Variants in TTLL8 observed in about 807,000 individuals in gnomAD.
The protein encoded by TTLL8 is tubulin tyrosine ligase like 8.
Under a neutral mutation model 77.8 loss-of-function variants are expected in TTLL8, and 65 were observed. The ratio of observed to expected loss-of-function variants is 0.84; its 90% CI spans 0.68 to 1.03. The LOEUF (loss-of-function observed/expected upper bound fraction) is 1.03, where lower values mean the gene tolerates loss of function less well. Ranked by LOEUF, TTLL8 falls within the 50% of genes least tolerant of loss-of-function variation. The pLI is 0.00. For missense variants in TTLL8, 910 were observed against 1,004.5 expected, an observed-to-expected ratio of 0.91 and a Z score of 1.27; for synonymous variants, 402 against 422.8, an observed-to-expected ratio of 0.95 and a Z score of 0.60.
At chr22:50,028,674 A>ACCGTCCTGAAGACCCC in intron 12 of TTLL8, among the ~76,000 whole-genome samples, 1 of 58,286 alleles carries the variant, frequency 1.7e-5, no homozygotes, top group Admixed American at 2.1e-4. Context: ...AGACCCCCAC[A>ACCGTCCTGAAGACCCC]CACACTCGTA....
At position 50,034,586 on chromosome 22, in the gene TTLL8, G is replaced by T; in HGVS notation, c.922-124C>A. ...CCCACCAAGCAGGCGCTCGGCTCTA[G>T]GATGGTCTGGGGCTGGCCTGGCGGG... On this transcript the variant is annotated intron_variant, in intron 8 of 13. Transcript: ENST00000266182. The surrounding 1 kb of genome is among the most constrained non-coding windows in gnomAD (Gnocchi z 4.1). The T allele has an allele frequency of 9.4e-7, 1 of 1,062,896 alleles. No individual in the cohort carries two copies. The highest frequency in any genetic ancestry group is 5.9e-5 in the East Asian group (1 of 16,868). 65.8% of individuals were successfully genotyped at this position (1,062,896 alleles called of 1,614,324 possible).
At chr22:50,048,760 CT>C (rs1296858870) in intron 3 of TTLL8, among the ~76,000 whole-genome samples, 1 of 152,226 alleles carries the variant, frequency 6.6e-6, no homozygotes, top group African/African-American at 2.4e-5. Flanking sequence ...ATTTTAAGTA[CT>C]GCAAATGCCG....
intron 10 of TTLL8, 25 bp from the exon 12 acceptor site, chr22:50,032,134 G>GCT: frequency 4.5e-6 from 6 of 1,335,376 alleles, no homozygotes; most frequent in Non-Finnish European, 6.0e-6. Flanking sequence ...AGGGGCAGGT[G>GCT]CTCAGCCTCC....
In TTLL8 at chr22:50,049,447, C is replaced by A. The variant is rs573516551; in HGVS notation, c.191-125G>T. On this transcript the variant is annotated intron_variant, in intron 2 of 13. Coordinates refer to ENST00000266182, the Ensembl canonical transcript of TTLL8. ...TCCAGAAACCTGGCTCCAGATGGGG[C>A]CTTCCCCTGGTGGAGCAGGAGCCTC... 4.7e-6 allele frequency: 5 copies of A among 1,056,346 alleles called. No individual in the cohort carries two copies. The African/African-American group carries it at 6.5e-5, about 14-fold the overall frequency. The allele number at this position is 1,056,346 out of a possible 1,614,324, so 65.4% of individuals were successfully genotyped here.
intron 8 of TTLL8, among the ~76,000 whole-genome samples, chr22:50,036,495 T>C (rs572938270): frequency 1.7e-4 from 26 of 152,246 alleles, no homozygotes; most frequent in Non-Finnish European, 3.5e-4. Context: ...GGAGACCAGT[T>C]ACGGTGCTGA....
intron 12 of TTLL8, among the ~76,000 whole-genome samples, chr22:50,026,225 C>T (rs537164868): frequency 1.7e-4 from 26 of 152,166 alleles, no homozygotes; most frequent in African/African-American, 4.6e-4. Context: ...ACTGTACAGC[C>T]GCTGCACCTC....
chr22:50,030,893 G>T, exon 12 of TTLL8: 1 of 1,323,278 alleles, frequency 7.6e-7, no homozygotes, highest in Non-Finnish European at 9.9e-7. Context: ...CGCAGAGGTC[G>T]GACCCGCTGA....
At chr22:50,023,413 G>A (rs1287349149) in intron 12 of TTLL8, among the ~76,000 whole-genome samples, 9 of 152,200 alleles carry the variant, frequency 5.9e-5, no homozygotes, top group African/African-American at 1.2e-4. Flanking sequence ...GGCTGGGCAC[G>A]GTGGCTGACG....
At position 50,041,187 on chromosome 22, in the gene TTLL8, C is replaced by G. The variant is rs1256104770; in HGVS notation, c.921G>C (p.Gln307His). The G allele has an allele frequency of 4.5e-6, 2 of 442,668 alleles. No individual in the cohort carries two copies. The highest frequency in any genetic ancestry group is 8.9e-6 in the Non-Finnish European group (2 of 224,892). The allele number at this position is 442,668 out of a possible 1,614,324, so 27.4% of individuals were successfully genotyped here. ...CAGTGGAGAGACAGACAAACCCCACCTGCCTGTCTCGGGCTGTGGGGGGCT... is the reference window on the plus strand; with the variant it reads ...CAGTGGAGAGACAGACAAACCCCACGTGCCTGTCTCGGGCTGTGGGGGGCT... Residue 307 changes from glutamine (Q) to histidine (H), a missense_variant and splice_region_variant, in exon 8 of 14, where the codon CAG becomes CAC. Transcript: ENST00000266182. The surrounding 1 kb of genome is among the most constrained non-coding windows in gnomAD (Gnocchi z 4.3).
At chr22:50,054,182 G>A (rs1339634761) in intron 1 of TTLL8, among the ~76,000 whole-genome samples, 1 of 152,224 alleles carries the variant, frequency 6.6e-6, no homozygotes, top group East Asian at 1.9e-4. Flanking sequence ...GTTCCTCTGT[G>A]GTCAGGCCTT....
At position 50,034,245 on chromosome 22, in the gene TTLL8, C is replaced by T; in HGVS notation, c.1039+100G>A. The T allele has an allele frequency of 8.1e-7, 1 of 1,228,034 alleles. No individual in the cohort carries two copies. Among genetic ancestry groups the T allele is most frequent in the Non-Finnish European group, 1.0e-6 (1 of 955,200 alleles). 76.1% of individuals were successfully genotyped at this position (1,228,034 alleles called of 1,614,324 possible). On this transcript the variant is annotated intron_variant, in intron 9 of 13. Coordinates refer to ENST00000266182, the Ensembl canonical transcript of TTLL8. The surrounding 1 kb of genome is among the most constrained non-coding windows in gnomAD (Gnocchi z 4.1). ...CGGCGTTCTGCTCCCTCCCTTCCTTCCCTGTGGTGCTGTGGGCCTGAAACT... is the reference window on the plus strand; with the variant it reads ...CGGCGTTCTGCTCCCTCCCTTCCTTTCCTGTGGTGCTGTGGGCCTGAAACT...
At chr22:50,025,366 C>A (rs1268180198) in intron 12 of TTLL8, among the ~76,000 whole-genome samples, 8 of 151,322 alleles carry the variant, frequency 5.3e-5, no homozygotes, top group African/African-American at 1.9e-4. Flanking sequence ...GCATATCTGA[C>A]AAATAAATAC....
At chr22:50,035,860 C>T (rs1894550817) in intron 8 of TTLL8, among the ~76,000 whole-genome samples, 3 of 152,180 alleles carry the variant, frequency 2.0e-5, no homozygotes, top group African/African-American at 2.4e-5. Flanking sequence ...AGCCCAGCCC[C>T]GAGCCTGTGA....
intron 12 of TTLL8, among the ~76,000 whole-genome samples, chr22:50,029,706 C>G (rs1392028607): frequency 5.3e-5 from 8 of 152,072 alleles, no homozygotes; most frequent in South Asian, 4.1e-4. Flanking sequence ...ACTTCAGCCT[C>G]AGCAACAGAG....
chr22:50,042,186 A>C (rs1384370648), intron 6 of TTLL8, among the ~76,000 whole-genome samples: 1 of 152,272 alleles, frequency 6.6e-6, no homozygotes, highest in East Asian at 1.9e-4. Flanking sequence ...TCTGTAAAGA[A>C]CAATTTTAAG....
At chr22:50,025,460 T>C (rs1294735043) in intron 12 of TTLL8, among the ~76,000 whole-genome samples, 3 of 151,922 alleles carry the variant, frequency 2.0e-5, no homozygotes, top group Non-Finnish European at 4.4e-5. Flanking sequence ...CCCAACATGG[T>C]GAAACCCCGT....
intron 3 of TTLL8, among the ~76,000 whole-genome samples, chr22:50,048,774 T>C (rs1221154509): frequency 4.6e-5 from 7 of 152,242 alleles, no homozygotes; most frequent in Admixed American, 3.9e-4. Flanking sequence ...AAATGCCGCC[T>C]CCCACCCTGG....
intron 8 of TTLL8, among the ~76,000 whole-genome samples, chr22:50,037,482 G>A (rs766426259): frequency 2.0e-5 from 3 of 152,226 alleles, no homozygotes; most frequent in Non-Finnish European, 4.4e-5. Flanking sequence ...TTACAGGCGT[G>A]AGCCACCACG....
At chr22:50,052,932 C>G (rs2061451517) in intron 1 of TTLL8, among the ~76,000 whole-genome samples, 1 of 152,178 alleles carries the variant, frequency 6.6e-6, no homozygotes, top group African/African-American at 2.4e-5. Context: ...CTATAAACAG[C>G]TCACTCTGGC....
Sources: gnomAD v4.1 joint callset for allele counts (sites outside exome capture counted in the v4.1 genomes callset) on GRCh38, gnomAD v4.1.1 for gene constraint, Gnocchi (gnomAD v3.1) non-coding constraint, MANE v1.5 for transcripts, NCBI Gene and HGNC (gene_info 2026-07-23, HGNC 2026-07-21) for gene names.